ACSM2B: variants seen among roughly 807,000 people sequenced by gnomAD.
The protein encoded by ACSM2B is acyl-coenzyme A synthetase ACSM2B, mitochondrial.
In ACSM2B, 58 loss-of-function variants were observed where a neutral mutation model predicts 78.6. The ratio of observed to expected loss-of-function variants is 0.74; its 90% CI spans 0.60 to 0.92. The LOEUF is 0.92. Among genes scored for constraint, ACSM2B ranks in the 40% least tolerant of loss-of-function variants. ACSM2B has a pLI of 0.00. For missense variants in ACSM2B, 688 were observed against 711.2 expected (o/e 0.97, Z 0.37); for synonymous variants, 257 against 256.8 (o/e 1.00, Z -0.01).
At chr16:20,545,059 A>C (rs1187931998) in intron 10 of ACSM2B, 98 bp downstream of exon 10, 12 of 1,435,282 alleles carry the variant, frequency 8.4e-6, no homozygotes, top group Non-Finnish European at 1.1e-5. Flanking sequence ...CTCCATATCT[A>C]ATGCCTCTTG....
chr16:20,540,758 C>G lies in ACSM2B; in HGVS notation c.1525G>C (p.Val509Leu), dbSNP rs1485110809. Reference sequence around the variant, plus strand: ...GATAGGAACTGCGAGGCCAGGATCACAAATGCCTTCACCACCTGCAAAATA... The same window carrying G: ...GATAGGAACTGCGAGGCCAGGATCAGAAATGCCTTCACCACCTGCAAAATA... ...PVRGEVVKAF[V>L]ILASQFLSHD... The change falls in exon 13 of 14, where the codon GTG (valine) becomes CTG (leucine). Residue 509 changes from valine to leucine, a missense_variant. Transcript: ENST00000329697. 2 of 1,613,738 alleles carry G rather than the reference C, an allele frequency of 1.2e-6. No individual in the cohort carries two copies. Among genetic ancestry groups the G allele is most frequent in the African/African-American group, 2.7e-5 (2 of 74,878 alleles).
At chr16:20,575,615 C>A (rs1328104008) in intron 1 of ACSM2B, 2 of 150,560 alleles carry the variant, frequency 1.3e-5, no homozygotes, top group East Asian at 2.0e-4. Context: ...TCTAGTCATG[C>A]TGGATTAGGT....
Position 20,537,204 on chromosome 16 carries a change from A to G in ACSM2B, c.*54T>C, listed in dbSNP as rs534544229. 6.2e-7 allele frequency: 1 copy of G among 1,600,498 alleles called. No homozygotes were observed. Among genetic ancestry groups the G allele is most frequent in the South Asian group, 1.1e-5 (1 of 90,506 alleles). On this transcript the variant is annotated 3_prime_UTR_variant, in exon 14 of 14. Coordinates refer to ENST00000329697, the MANE Select transcript of ACSM2B (RefSeq NM_001105069.2). ...CATCATAGTAAGGCCAAGGGCCCAA[A>G]GGGAAAAGAAAGAGAAAGAAGAGGG...
intron 5 of ACSM2B, among the ~76,000 whole-genome samples, 176 bp downstream of exon 5, chr16:20,553,601 C>T (rs1339914595): frequency 6.6e-6 from 1 of 152,206 alleles, no homozygotes; most frequent in African/African-American, 2.4e-5. Flanking sequence ...ATATGTGTCC[C>T]ATTGAAGGTA....
intron 3 of ACSM2B, among the ~76,000 whole-genome samples, chr16:20,558,097 C>T (rs907481267): frequency 6.6e-6 from 1 of 152,166 alleles, no homozygotes; most frequent in African/African-American, 2.4e-5. Context: ...CCAGAGGTCA[C>T]AAGATTTGTA....
chr16:20,548,253 G>C, intron 7 of ACSM2B, 68 bp from the exon 8 acceptor site: 2 of 1,610,638 alleles, frequency 1.2e-6, no homozygotes, highest in South Asian at 2.2e-5. Context: ...GCCTAGACTT[G>C]GTTTCTGGGT....
rs138979512 is a variant in ACSM2B at position 20,554,895 on chromosome 16, T to C, written c.596+374A>G. 6.3e-3 allele frequency among the ~76,000 whole-genome samples: 960 copies of C among 152,298 alleles called. 6 individuals are homozygous for C. Among genetic ancestry groups the C allele is most frequent in the African/African-American group, 0.022 (914 of 41,566 alleles). On this transcript the variant is annotated intron_variant, in intron 4 of 13. Coordinates refer to ENST00000329697, the MANE Select transcript of ACSM2B (RefSeq NM_001105069.2). ...GCCCCATAGTTTCTCTGTTTTACCA[T>C]AGCATGGAACTCTGACCCACTCTTC...
At chr16:20,550,259 G>C (rs977305007) in intron 6 of ACSM2B, among the ~76,000 whole-genome samples, 1 of 152,076 alleles carries the variant, frequency 6.6e-6, no homozygotes, top group Non-Finnish European at 1.5e-5. Context: ...AAAATGTCTA[G>C]AAAAAATGAC....
At chr16:20,570,692 T>A (rs1421563684) in intron 1 of ACSM2B, among the ~76,000 whole-genome samples, 14 of 151,722 alleles carry the variant, frequency 9.2e-5, no homozygotes, top group African/African-American at 3.4e-4. Flanking sequence ...GGTCATGGCT[T>A]TTTTGTTGTC....
intron 1 of ACSM2B, among the ~76,000 whole-genome samples, chr16:20,568,037 G>A (rs1205170175): frequency 7.0e-6 from 1 of 142,246 alleles, no homozygotes; most frequent in East Asian, 2.0e-4. Flanking sequence ...CTACACTCCT[G>A]TGCCTTTCTT....
chr16:20,555,004 T>C (rs968603138), intron 4 of ACSM2B, among the ~76,000 whole-genome samples: 1 of 152,182 alleles, frequency 6.6e-6, no homozygotes, highest in Non-Finnish European at 1.5e-5. Context: ...ATGCTAATGA[T>C]TCAGTGCTTT....
intron 3 of ACSM2B, among the ~76,000 whole-genome samples, chr16:20,556,587 G>A (rs1259087962): frequency 1.3e-5 from 2 of 152,172 alleles, no homozygotes. Context: ...GGACTACAGA[G>A]GGAGACTCCA....
chr16:20,554,540 C>A (rs547735884), intron 4 of ACSM2B, among the ~76,000 whole-genome samples: 1 of 152,278 alleles, frequency 6.6e-6, no homozygotes, highest in South Asian at 2.1e-4. Context: ...CATATGTGCC[C>A]CCGCTAGAGG....
intron 1 of ACSM2B, among the ~76,000 whole-genome samples, chr16:20,566,015 G>A (rs1567217543): frequency 6.7e-6 from 1 of 149,988 alleles, no homozygotes; most frequent in Admixed American, 6.7e-5. Flanking sequence ...TTTTATGGCT[G>A]AGTAGTATTT....
Position 20,569,806 on chromosome 16 carries a change from AT to A in ACSM2B, c.-8-4954del, listed in dbSNP as rs977186117. On this transcript the variant is annotated intron_variant, in intron 1 of 13. Transcript: ENST00000329697. Reference sequence around the variant, plus strand: ...TCTTTGGTTAGGTATATTCCTAAGTATTTTTTTTGCAGCTATTATAAAAGGG... The same window carrying A: ...TCTTTGGTTAGGTATATTCCTAAGTATTTTTTTGCAGCTATTATAAAAGGG... Among the ~76,000 whole-genome samples the A allele has an allele frequency of 3.3e-3, 503 of 151,094 alleles. 7 individuals carry two copies. Among genetic ancestry groups the A allele is most frequent in the Non-Finnish European group, 3.4e-3 (232 of 67,508 alleles).
chr16:20,540,232 TTTTTG>T (rs1221374533), intron 13 of ACSM2B, among the ~76,000 whole-genome samples: 2 of 86,396 alleles, frequency 2.3e-5, no homozygotes, highest in African/African-American at 2.8e-5. Context: ...TTGTTTTTTT[TTTTTG>T]TTTGTTTGTT....
At chr16:20,548,849 C>T (rs1184943598) in intron 6 of ACSM2B, among the ~76,000 whole-genome samples, 1 of 152,080 alleles carries the variant, frequency 6.6e-6, no homozygotes, top group Non-Finnish European at 1.5e-5. Flanking sequence ...TTGGTTGAGT[C>T]CCTTAACTTT....
In ACSM2B at chr16:20,536,899, A is replaced by G. The variant is rs182381369; in HGVS notation, c.*359T>C. 80 of 166,790 alleles carry G rather than the reference A, an allele frequency of 4.8e-4. 2 individuals are homozygous for G. Among genetic ancestry groups the G allele is most frequent in the Admixed American group, 3.6e-3 (53 of 14,686 alleles). The allele number at this position is 166,790 out of a possible 1,614,324, so 10.3% of individuals were successfully genotyped here. A position where few individuals can be genotyped will look rare whatever the true frequency, so the allele number is the denominator to read the frequency against. Reference sequence around the variant, plus strand: ...TTCTCCCTTCAATTATTTTTCTTCTATCTTTTCTCCCCCTTTCATCTCCTC... The same window carrying G: ...TTCTCCCTTCAATTATTTTTCTTCTGTCTTTTCTCCCCCTTTCATCTCCTC... On this transcript the variant is annotated 3_prime_UTR_variant, in exon 14 of 14. Transcript: ENST00000329697.
rs763653546 is a variant in ACSM2B, at chr16:20,555,401, T to G, written c.464A>C (p.Lys155Thr). 6.2e-7 allele frequency: 1 copy of G among 1,613,820 alleles called. No individual in the cohort carries two copies. Among genetic ancestry groups the G allele is most frequent in the Non-Finnish European group, 8.5e-7 (1 of 1,179,858 alleles). ...ILYRLQMSKAKAIVAGDEVIQ... is the reference protein window; with the variant it reads ...ILYRLQMSKATAIVAGDEVIQ... The stretch of plus-strand genomic sequence containing the variant: ...GACTTCATCCCCAGCAACAATAGCC[T>G]TGGCCTTAGACATCTGCAACCTATA... The change falls in exon 4 of 14, where the codon AAG becomes ACG. Residue 155 changes from lysine to threonine, a missense_variant. Transcript: ENST00000329697.
Sources: allele counts gnomAD v4.1 joint callset (sites outside exome capture counted in the v4.1 genomes callset), GRCh38; gene constraint gnomAD v4.1.1; transcripts MANE v1.5; gene names NCBI Gene and HGNC (gene_info 2026-07-23, HGNC 2026-07-21).